GRIN2A: variants seen among roughly 807,000 people sequenced by gnomAD.
GRIN2A encodes the protein glutamate receptor ionotropic, NMDA 2A.
GRIN2A carries 22 observed loss-of-function variants against 113.4 expected under a neutral mutation model. That is an observed-to-expected ratio of 0.19 (90% CI 0.14 to 0.28). The LOEUF (loss-of-function observed/expected upper bound fraction) is 0.28, where lower values mean the gene tolerates loss of function less well. GRIN2A is among the 10% of genes least tolerant of loss of function. The probability of loss-of-function intolerance (pLI) is 1.00; values close to 1 mark genes in which losing one functional copy is unlikely to be tolerated. For missense variants in GRIN2A, 1,502 were observed against 1,887.0 expected (o/e 0.80, Z 3.78); for synonymous variants, 827 against 738.4 (o/e 1.12, Z -1.94).
chr16:9,907,501 G>T (rs1294734781), intron 3 of GRIN2A, among the ~76,000 whole-genome samples: 1 of 152,104 alleles, frequency 6.6e-6, no homozygotes, highest in African/African-American at 2.4e-5. Flanking sequence ...AGGGATTTTG[G>T]GGGCTGGTGT....
At chr16:9,777,212 A>C (rs767175447) in intron 11 of GRIN2A, among the ~76,000 whole-genome samples, 1 of 152,152 alleles carries the variant, frequency 6.6e-6, no homozygotes, top group African/African-American at 2.4e-5. Context: ...TGTTGTTTTA[A>C]AGACAAATTT....
intron 2 of GRIN2A, among the ~76,000 whole-genome samples, chr16:10,084,391 C>T (rs946014142): frequency 2.0e-5 from 3 of 152,202 alleles, no homozygotes; most frequent in South Asian, 2.1e-4. Context: ...GTCTTCTCTC[C>T]GAAAAACTGC....
In GRIN2A at chr16:9,899,067, T is replaced by C. The variant is rs570619233; in HGVS notation, c.1008-7967A>G. ...CTCTTTGCCCTGGTGCTCAATTTCA[T>C]ATACAGTACTCATTGGTGGTTTCCT... On this transcript the variant is annotated intron_variant, in intron 3 of 12. Coordinates refer to ENST00000330684, the MANE Select transcript of GRIN2A (RefSeq NM_001134407.3). Among the ~76,000 whole-genome samples, 6 of 152,192 alleles carry C rather than the reference T, an allele frequency of 3.9e-5. No homozygotes were observed. In the South Asian group the frequency reaches 1.2e-3, roughly 32 times the overall value.
intron 2 of GRIN2A, among the ~76,000 whole-genome samples, chr16:10,050,832 T>G (rs1294251642): frequency 6.6e-6 from 1 of 152,104 alleles, no homozygotes; most frequent in African/African-American, 2.4e-5. Context: ...TCTGAGAGTT[T>G]ACAGAGGAGC....
chr16:10,110,289 G>T (rs1435782238), intron 2 of GRIN2A, among the ~76,000 whole-genome samples: 2 of 152,218 alleles, frequency 1.3e-5, no homozygotes, highest in Non-Finnish European at 2.9e-5. Context: ...TAACGAGTTA[G>T]GGGAACGTGG....
chr16:9,805,211 C>A (rs767045989), intron 10 of GRIN2A, among the ~76,000 whole-genome samples: 18 of 152,182 alleles, frequency 1.2e-4, no homozygotes, highest in African/African-American at 4.3e-4. Flanking sequence ...TATTATCAAG[C>A]GGCTTGACAT....
chr16:9,829,591 G>A lies in GRIN2A; in HGVS notation c.1839C>T (p.Phe613=). The change falls in exon 9 of 13, where the codon TTC becomes TTT. Residue 613 remains phenylalanine (F), a synonymous_variant. Transcript: ENST00000330684. ...KAIWLLWGLV[F]NNSVPVQNPK... The stretch of plus-strand genomic sequence containing the variant: ...GATTCTGGACAGGCACGGAGTTATT[G>A]AACACCAGGCCCCAAAGAAGCCATA... The A allele has an allele frequency of 6.2e-7, 1 of 1,613,966 alleles. No individual in the cohort carries two copies. Among genetic ancestry groups the A allele is most frequent in the Non-Finnish European group, 8.5e-7 (1 of 1,179,928 alleles).
chr16:10,157,508 A>G (rs2049721826), intron 2 of GRIN2A, among the ~76,000 whole-genome samples: 1 of 152,174 alleles, frequency 6.6e-6, no homozygotes, highest in Non-Finnish European at 1.5e-5. Context: ...GGTTTAATTG[A>G]CTCACAGTTC....
chr16:9,968,568 C>CT (rs1174558831), intron 2 of GRIN2A, among the ~76,000 whole-genome samples: 1 of 152,108 alleles, frequency 6.6e-6, no homozygotes, highest in African/African-American at 2.4e-5. Flanking sequence ...CCACCTCGGC[C>CT]TCCCAAAGTG....
chr16:9,830,584 GA>G (rs2042474177), intron 8 of GRIN2A, among the ~76,000 whole-genome samples: 1 of 151,632 alleles, frequency 6.6e-6, no homozygotes, highest in Non-Finnish European at 1.5e-5. Context: ...ATGAAGATAT[GA>G]AAAAATGATC....
chr16:10,105,356 G>T (rs1212136681), intron 2 of GRIN2A, among the ~76,000 whole-genome samples: 2 of 152,162 alleles, frequency 1.3e-5, no homozygotes, highest in African/African-American at 4.8e-5. Flanking sequence ...AAAATGAGCT[G>T]GGAAATAGAA....
chr16:9,920,213 G>A (rs1466213313), intron 3 of GRIN2A, among the ~76,000 whole-genome samples: 2 of 152,206 alleles, frequency 1.3e-5, no homozygotes, highest in African/African-American at 4.8e-5. Context: ...ATGGATACAT[G>A]AAAAGACAAA....
chr16:10,099,376 A>ATTTAATTT (rs1297339721), intron 2 of GRIN2A, among the ~76,000 whole-genome samples: 2 of 152,258 alleles, frequency 1.3e-5, no homozygotes, highest in African/African-American at 2.4e-5. Flanking sequence ...AAATCACCAG[A>ATTTAATTT]GCTCAGAATT....
intron 2 of GRIN2A, among the ~76,000 whole-genome samples, chr16:10,072,931 C>G (rs2047786167): frequency 6.9e-6 from 1 of 144,364 alleles, no homozygotes; most frequent in Admixed American, 7.0e-5. Context: ...TGAGGAAACT[C>G]AGTGACAAGA....
intron 3 of GRIN2A, among the ~76,000 whole-genome samples, chr16:9,895,310 C>T (rs1322446520): frequency 6.6e-6 from 1 of 152,176 alleles, no homozygotes; most frequent in African/African-American, 2.4e-5. Context: ...AGCTCTTGCT[C>T]ATGCACATGG....
intron 2 of GRIN2A, among the ~76,000 whole-genome samples, chr16:10,036,465 T>A (rs1195754389): frequency 9.4e-6 from 1 of 106,636 alleles, no homozygotes; most frequent in South Asian, 3.4e-4. Context: ...TTTTTTTTTT[T>A]TTTTTTTTTT....
chr16:10,071,421 G>A (rs939912041), intron 2 of GRIN2A, among the ~76,000 whole-genome samples: 36 of 152,124 alleles, frequency 2.4e-4, no homozygotes, highest in African/African-American at 8.2e-4. Context: ...CTTACGGGAC[G>A]AGCCATGAAT....
intron 2 of GRIN2A, among the ~76,000 whole-genome samples, chr16:9,978,772 C>G (rs3897996): frequency 6.6e-6 from 1 of 152,094 alleles, no homozygotes; most frequent in Non-Finnish European, 1.5e-5. Context: ...CCTCTGTATT[C>G]GGAACGGATG....
chr16:9,829,393 C>A (rs753043502), intron 9 of GRIN2A, 30 bp downstream of exon 9: 1 of 1,445,992 alleles, frequency 6.9e-7, no homozygotes. Context: ...GACCAACCCT[C>A]AGATGGAGAG....
Sources: gnomAD v4.1 joint callset for allele counts (sites outside exome capture counted in the v4.1 genomes callset) on GRCh38, gnomAD v4.1.1 for gene constraint, MANE v1.5 for transcripts, NCBI Gene and HGNC (gene_info 2026-07-23, HGNC 2026-07-21) for gene names.